KCNIP4: variants seen among roughly 807,000 people sequenced by gnomAD.
The protein encoded by KCNIP4 is Kv channel-interacting protein 4.
A neutral mutation model predicts 34.0 loss-of-function variants in KCNIP4; 12 were observed. That is an observed-to-expected ratio of 0.35 (90% confidence interval 0.23 to 0.57). KCNIP4 has a LOEUF of 0.57. Ranked by LOEUF, KCNIP4 falls within the 20% of genes least tolerant of loss-of-function variation. The pLI is 0.83. For synonymous variants in KCNIP4, 124 were observed against 102.2 expected, an observed-to-expected ratio of 1.21 and a Z score of -1.29; for missense variants, 238 against 311.7, an observed-to-expected ratio of 0.76 and a Z score of 1.78.
chr4:20,831,469 G>T (rs1479814133), intron 3 of KCNIP4, among the ~76,000 whole-genome samples: 3 of 152,228 alleles, frequency 2.0e-5, no homozygotes, highest in East Asian at 3.9e-4. Flanking sequence ...GGGCTCATGG[G>T]TACAAACATA....
chr4:21,375,775 A>AG (rs1267246841), intron 1 of KCNIP4, among the ~76,000 whole-genome samples: 2 of 151,766 alleles, frequency 1.3e-5, no homozygotes, highest in Admixed American at 6.6e-5. Flanking sequence ...TCACCGTGTT[A>AG]CCAGGATGGT....
At chr4:21,417,956 A>G (rs549048489) in intron 1 of KCNIP4, among the ~76,000 whole-genome samples, 10 of 152,314 alleles carry the variant, frequency 6.6e-5, no homozygotes, top group Non-Finnish European at 1.0e-4. Context: ...AAGGGAATGC[A>G]GAAGCAAGAT....
chr4:20,895,338 A>T (rs927648752), intron 1 of KCNIP4, among the ~76,000 whole-genome samples: 3 of 152,194 alleles, frequency 2.0e-5, no homozygotes, highest in Non-Finnish European at 4.4e-5. Context: ...GCAGTAGGAC[A>T]TCCATCAAAT....
intron 3 of KCNIP4, among the ~76,000 whole-genome samples, chr4:20,817,241 A>T (rs1336129222): frequency 6.6e-6 from 1 of 152,220 alleles, no homozygotes; most frequent in Non-Finnish European, 1.5e-5. Flanking sequence ...TTACCTCCAT[A>T]GGAAGTGTTC....
intron 1 of KCNIP4, among the ~76,000 whole-genome samples, chr4:21,579,375 A>G (rs904879747): frequency 9.2e-4 from 140 of 152,328 alleles, no homozygotes; most frequent in African/African-American, 3.2e-3. Flanking sequence ...CCAGAAGAAT[A>G]TATTAAGAAT....
chr4:20,837,617 C>A (rs1364476016), intron 3 of KCNIP4, among the ~76,000 whole-genome samples: 3 of 139,222 alleles, frequency 2.2e-5, no homozygotes, highest in South Asian at 2.5e-4. Flanking sequence ...TTATTGAGTT[C>A]TCAGTGATAT....
At chr4:21,700,885 T>C (rs997388624) in intron 1 of KCNIP4, among the ~76,000 whole-genome samples, 1 of 152,194 alleles carries the variant, frequency 6.6e-6, no homozygotes, top group African/African-American at 2.4e-5. Flanking sequence ...CTGGGCACCT[T>C]TGTCAAAACT....
chr4:21,642,617 T>C (rs1410467809), intron 1 of KCNIP4, among the ~76,000 whole-genome samples: 7 of 152,152 alleles, frequency 4.6e-5, no homozygotes, highest in African/African-American at 1.4e-4. Context: ...CCTGCTCCCA[T>C]GACCTTACGC....
intron 1 of KCNIP4, among the ~76,000 whole-genome samples, chr4:21,331,074 G>A (rs1715587173): frequency 2.0e-5 from 3 of 152,080 alleles, no homozygotes; most frequent in Admixed American, 2.0e-4. Context: ...TCATGTGTAA[G>A]ACACTGTGTC....
chr4:21,651,339 G>A (rs373206967), intron 1 of KCNIP4, among the ~76,000 whole-genome samples: 3 of 152,302 alleles, frequency 2.0e-5, no homozygotes, highest in East Asian at 3.9e-4. Context: ...GAGAAGGCAA[G>A]GAGAGGGCAT....
chr4:20,892,571 G>A (rs954049622), intron 1 of KCNIP4, among the ~76,000 whole-genome samples: 6 of 151,964 alleles, frequency 3.9e-5, no homozygotes, highest in East Asian at 1.9e-4. Flanking sequence ...TCTCTACCCC[G>A]ACTCAGTCTC....
At chr4:21,316,698 T>C (rs1222394636) in intron 1 of KCNIP4, among the ~76,000 whole-genome samples, 2 of 152,158 alleles carry the variant, frequency 1.3e-5, no homozygotes, top group Non-Finnish European at 2.9e-5. Context: ...AATAGCTAGC[T>C]AGTTGAACTG....
Position 21,363,140 on chromosome 4 carries a change from T to G in KCNIP4, c.62-480431A>C, listed in dbSNP as rs145202537. On this transcript the variant is annotated intron_variant, in intron 1 of 8. Coordinates refer to ENST00000382152, the MANE Select transcript of KCNIP4 (RefSeq NM_025221.6). ...TAGAAACTTGTTTAAGATCATACAG[T>G]AGCTACTGAAGTTGAAGTCATGATT... Among the ~76,000 whole-genome samples, 160 of 152,290 alleles carry G rather than the reference T, an allele frequency of 1.1e-3. 1 individual carries two copies. Among genetic ancestry groups the G allele is most frequent in the African/African-American group, 3.8e-3 (157 of 41,582 alleles).
intron 1 of KCNIP4, among the ~76,000 whole-genome samples, chr4:21,332,043 G>A (rs1328860828): frequency 3.3e-5 from 5 of 151,960 alleles, no homozygotes; most frequent in Non-Finnish European, 7.4e-5. Context: ...CAGTTTAATA[G>A]CATTATTCAT....
chr4:21,026,629 G>A (rs180923556), intron 1 of KCNIP4, among the ~76,000 whole-genome samples: 5 of 152,116 alleles, frequency 3.3e-5, no homozygotes, highest in Non-Finnish European at 7.3e-5. Flanking sequence ...ACTCCAGCCT[G>A]GGGGGACAGA....
At chr4:20,841,197 A>G (rs971025542) in intron 3 of KCNIP4, among the ~76,000 whole-genome samples, 3 of 152,212 alleles carry the variant, frequency 2.0e-5, no homozygotes, top group Non-Finnish European at 4.4e-5. Flanking sequence ...GAAGAAAGTG[A>G]GAGAAGATAA....
At chr4:21,686,882 C>T (rs377678289) in intron 1 of KCNIP4, among the ~76,000 whole-genome samples, 14 of 150,654 alleles carry the variant, frequency 9.3e-5, no homozygotes, top group East Asian at 2.0e-4. Context: ...ATGTTTATTG[C>T]GGCATTATTC....
chr4:20,845,336 T>C (rs924991454), intron 3 of KCNIP4, among the ~76,000 whole-genome samples: 4 of 152,174 alleles, frequency 2.6e-5, no homozygotes, highest in Non-Finnish European at 4.4e-5. Flanking sequence ...TAGCATGCTC[T>C]ACCCTAACTG....
chr4:21,142,212 T>G (rs537117626), intron 1 of KCNIP4, among the ~76,000 whole-genome samples: 270 of 151,150 alleles, frequency 1.8e-3, no homozygotes, highest in Non-Finnish European at 2.9e-3. Flanking sequence ...AAATCTAGGC[T>G]GCCCTGGGCT....
Sources: gnomAD v4.1 joint callset for allele counts (sites outside exome capture counted in the v4.1 genomes callset) on GRCh38, gnomAD v4.1.1 for gene constraint, MANE v1.5 for transcripts, NCBI Gene and HGNC (gene_info 2026-07-23, HGNC 2026-07-21) for gene names.